ENPP6: variants seen among roughly 807,000 people sequenced by gnomAD.
ENPP6 encodes the protein glycerophosphocholine cholinephosphodiesterase ENPP6.
Under a neutral mutation model 42.0 loss-of-function variants are expected in ENPP6, and 32 were observed. The observed-to-expected ratio is 0.76, with a 90% CI of 0.58 to 1.02. The LOEUF (loss-of-function observed/expected upper bound fraction) is 1.02, where lower values mean the gene tolerates loss of function less well. Among genes scored for constraint, ENPP6 ranks in the 50% least tolerant of loss-of-function variants. ENPP6 has a pLI of 0.00. For synonymous variants in ENPP6, 213 were observed against 216.0 expected (o/e 0.99, Z 0.12); for missense variants, 552 against 566.8 (o/e 0.97, Z 0.27).
chr4:184,095,938 G>A (rs1001047651), intron 7 of ENPP6, among the ~76,000 whole-genome samples: 1 of 152,066 alleles, frequency 6.6e-6, no homozygotes, highest in Non-Finnish European at 1.5e-5. Flanking sequence ...CCTGGGGCTC[G>A]GCTGACAGGG....
chr4:184,195,281 A>T (rs111703392), intron 1 of ENPP6, among the ~76,000 whole-genome samples: 18 of 151,228 alleles, frequency 1.2e-4, no homozygotes, highest in African/African-American at 4.4e-4. Context: ...CCCTCCTCCC[A>T]CCCTCCGCTG....
intron 2 of ENPP6, among the ~76,000 whole-genome samples, chr4:184,141,383 T>G (rs1322421678): frequency 6.6e-6 from 1 of 152,202 alleles, no homozygotes; most frequent in Non-Finnish European, 1.5e-5. Context: ...CCCCCCAACA[T>G]GACTGAGGAA....
At chr4:184,197,394 G>C (rs948479682) in intron 1 of ENPP6, among the ~76,000 whole-genome samples, 1 of 152,254 alleles carries the variant, frequency 6.6e-6, no homozygotes, top group African/African-American at 2.4e-5. Flanking sequence ...AGCATTGAAA[G>C]AGTAGAGTAC....
At position 184,117,920 on chromosome 4, in the gene ENPP6, A is replaced by G. The variant is rs753583719; in HGVS notation, c.534-20T>C. On this transcript the variant is annotated intron_variant, in intron 3 of 7. Coordinates refer to ENST00000296741, the MANE Select transcript of ENPP6 (RefSeq NM_153343.4). Reference sequence around the variant, plus strand: ...CCACTCCTGGAGGGACAGAGGAGAGAGGCATAGGTGAGGGAGGCCCCCGCC... The same window carrying G: ...CCACTCCTGGAGGGACAGAGGAGAGGGGCATAGGTGAGGGAGGCCCCCGCC... The G allele has an allele frequency of 6.2e-7, 1 of 1,612,066 alleles. No individual in the cohort carries two copies. The highest frequency in any genetic ancestry group is 1.1e-5 in the South Asian group (1 of 90,868).
rs1043442747 is a variant in ENPP6 at position 184,186,516 on chromosome 4, A to G, written c.241+31063T>C. ...AAGGACCAGGCTCTGAGGAGCTCCA[A>G]TATAAAGGGGCCAGCAAAGAGAAGT... On this transcript the variant is annotated intron_variant, in intron 1 of 7. Coordinates refer to ENST00000296741, the MANE Select transcript of ENPP6 (RefSeq NM_153343.4). Among the ~76,000 whole-genome samples, 4 of 152,202 alleles carry G rather than the reference A, an allele frequency of 2.6e-5. 1 individual carries two copies. Among genetic ancestry groups the G allele is most frequent in the African/African-American group, 9.6e-5 (4 of 41,456 alleles).
intron 2 of ENPP6, among the ~76,000 whole-genome samples, chr4:184,143,334 C>G (rs1007173225): frequency 1.6e-4 from 25 of 152,250 alleles, no homozygotes; most frequent in Non-Finnish European, 1.0e-4. Context: ...GGTCTCCCAG[C>G]CTTCTCAGGT....
chr4:184,157,694 C>T (rs928492214), intron 1 of ENPP6, among the ~76,000 whole-genome samples: 2 of 151,584 alleles, frequency 1.3e-5, no homozygotes, highest in African/African-American at 4.9e-5. Context: ...CTCACTGCAA[C>T]CTTGACCTCC....
chr4:184,172,606 G>T (rs554755928), intron 1 of ENPP6, among the ~76,000 whole-genome samples: 2 of 152,298 alleles, frequency 1.3e-5, no homozygotes, highest in Admixed American at 1.3e-4. Context: ...TGAGCAGTGG[G>T]CGCAGTGAAC....
At chr4:184,170,409 G>A (rs1242737797) in intron 1 of ENPP6, among the ~76,000 whole-genome samples, 1 of 147,024 alleles carries the variant, frequency 6.8e-6, no homozygotes, top group Admixed American at 6.9e-5. Flanking sequence ...CAGCCTGAGT[G>A]ACAGAGTGAG....
intron 2 of ENPP6, among the ~76,000 whole-genome samples, chr4:184,152,725 T>C (rs1737077048): frequency 6.6e-6 from 1 of 152,228 alleles, no homozygotes; most frequent in South Asian, 2.1e-4. Context: ...AGATATTCAG[T>C]GACCAAGATG....
At chr4:184,181,484 A>G (rs533568191) in intron 1 of ENPP6, among the ~76,000 whole-genome samples, 2 of 152,328 alleles carry the variant, frequency 1.3e-5, no homozygotes, top group African/African-American at 2.4e-5. Flanking sequence ...TACCATTGAC[A>G]TTCTTCACAG....
At chr4:184,110,795 T>G (rs773993248) in intron 6 of ENPP6, among the ~76,000 whole-genome samples, 5 of 152,234 alleles carry the variant, frequency 3.3e-5, no homozygotes, top group Non-Finnish European at 7.3e-5. Context: ...TGTGGGATAG[T>G]AAATCCTTTT....
intron 1 of ENPP6, among the ~76,000 whole-genome samples, chr4:184,207,545 G>A (rs192497517): frequency 7.2e-5 from 11 of 152,230 alleles, no homozygotes; most frequent in Admixed American, 6.5e-4. Context: ...CATTTAAACT[G>A]TGGTTGTGTT....
chr4:184,211,861 C>T (rs1333274132), intron 1 of ENPP6, among the ~76,000 whole-genome samples: 2 of 151,186 alleles, frequency 1.3e-5, no homozygotes, highest in Admixed American at 6.6e-5. Flanking sequence ...CAAAACGAAT[C>T]CAGCAGCACA....
At chr4:184,096,368 A>G (rs937164931) in intron 7 of ENPP6, among the ~76,000 whole-genome samples, 1 of 152,254 alleles carries the variant, frequency 6.6e-6, no homozygotes, top group Non-Finnish European at 1.5e-5. Flanking sequence ...AGAAAAAGGC[A>G]TTCAGAATAC....
intron 2 of ENPP6, among the ~76,000 whole-genome samples, chr4:184,133,176 C>T (rs1736672377): frequency 6.6e-6 from 1 of 151,944 alleles, no homozygotes; most frequent in Non-Finnish European, 1.5e-5. Context: ...CACACACACA[C>T]ACACACACAC....
intron 2 of ENPP6, among the ~76,000 whole-genome samples, chr4:184,131,194 T>C (rs1165843169): frequency 3.3e-5 from 2 of 60,246 alleles, no homozygotes; most frequent in Admixed American, 2.8e-4. Context: ...TCTTTCTTTC[T>C]TTCTTTCTTC....
At chr4:184,151,231 T>G (rs1031747965) in intron 2 of ENPP6, among the ~76,000 whole-genome samples, 5 of 152,124 alleles carry the variant, frequency 3.3e-5, no homozygotes, top group Non-Finnish European at 7.4e-5. Flanking sequence ...CCAGCTACTC[T>G]GGAGGCTGAG....
chr4:184,200,014 C>T (rs17584314), intron 1 of ENPP6, among the ~76,000 whole-genome samples: 35,512 of 152,200 alleles, frequency 0.23, 5,335 homozygotes, highest in Middle Eastern at 0.33. Context: ...TCTCCCTCCT[C>T]AAAGCGATAT....
Sources: gnomAD v4.1 joint callset for allele counts (sites outside exome capture counted in the v4.1 genomes callset) on GRCh38, gnomAD v4.1.1 for gene constraint, MANE v1.5 for transcripts, NCBI Gene and HGNC (gene_info 2026-07-23, HGNC 2026-07-21) for gene names.